The following ZNF324B variants were observed in gnomAD, a reference collection of about 807,000 sequenced individuals.
ZNF324B encodes zinc finger protein 324B.
A neutral mutation model predicts 10.6 loss-of-function variants in ZNF324B; 7 were observed. The observed-to-expected ratio is 0.66, with a 90% CI of 0.38 to 1.24. The LOEUF is 1.24. Among genes scored for constraint, ZNF324B ranks in the 50% most tolerant of loss-of-function variants. ZNF324B has a pLI of 0.02. For missense variants in ZNF324B, 640 were observed against 764.7 expected (o/e 0.84, Z 1.92); for synonymous variants, 316 against 321.0 (o/e 0.98, Z 0.17).
At position 58,455,976 on chromosome 19, in the gene ZNF324B, C is replaced by T. The variant is rs755008243; in HGVS notation, c.1032C>T (p.Ser344=). Reference sequence around the variant, plus strand: ...CGGCCGAGAAGTCCTTCCGCTGCTCCGAGTGCGGCAAGGCCTTCAGCCACG... The same window carrying T: ...CGGCCGAGAAGTCCTTCCGCTGCTCTGAGTGCGGCAAGGCCTTCAGCCACG... ...IHTAEKSFRC[S]ECGKAFSHGS... Residue 344 remains serine, a synonymous_variant, in exon 4 of 4, where the codon TCC becomes TCT. Transcript: ENST00000336614. The surrounding 1 kb of genome is among the most constrained non-coding windows in gnomAD (Gnocchi z 7.0). 2 of 1,591,268 alleles carry T rather than the reference C, an allele frequency of 1.3e-6. No homozygotes were observed. The highest frequency in any genetic ancestry group is 1.7e-6 in the Non-Finnish European group (2 of 1,166,398).
chr19:58,456,583 C>T lies in ZNF324B; in HGVS notation c.*4C>T, dbSNP rs748925863. The T allele has an allele frequency of 1.8e-5, 29 of 1,611,370 alleles. No individual in the cohort carries two copies. The highest frequency in any genetic ancestry group is 3.3e-4 in the Middle Eastern group (2 of 6,066). On this transcript the variant is annotated 3_prime_UTR_variant, in exon 4 of 4. Coordinates refer to ENST00000336614, the MANE Select transcript of ZNF324B (RefSeq NM_207395.3). This position sits in a 1 kb window ranked among gnomAD's most constrained non-coding sequence, Gnocchi z 4.7. ...CCTGAAGCCAGCGAAGGTCTGAGGTCACAGGTCGCAGCCCAACCCTTTCTT... is the reference window on the plus strand; with the variant it reads ...CCTGAAGCCAGCGAAGGTCTGAGGTTACAGGTCGCAGCCCAACCCTTTCTT...
At chr19:58,447,451 A>C (rs2052833053), upstream of ZNF324B, among the ~76,000 whole-genome samples, 1 of 152,250 alleles carries the variant, frequency 6.6e-6, no homozygotes, top group South Asian at 2.1e-4. Context: ...CAATTCATTA[A>C]GAATGTTTCA....
At chr19:58,427,349 CCTTTCTTTCTTTCTTT>C in the ZNF324B span, among the ~76,000 whole-genome samples, 61 of 55,988 alleles carry the variant, frequency 1.1e-3, no homozygotes, top group Admixed American at 3.0e-3. Flanking sequence ...CTTTCTCTTT[CCTTTCTTTCTTTCTTT>C]CTTTCTTTCT....
chr19:58,434,047 C>T, the ZNF324B span: 1 of 1,613,956 alleles, frequency 6.2e-7, no homozygotes, highest in Non-Finnish European at 8.5e-7. Flanking sequence ...GCTGAAGTCT[C>T]TTCCACATTC....
chr19:58,427,740 T>G, the ZNF324B span, among the ~76,000 whole-genome samples: 5 of 151,686 alleles, frequency 3.3e-5, no homozygotes, highest in Non-Finnish European at 5.9e-5. Context: ...ACTGCAGTCT[T>G]GAACTCCTGG....
chr19:58,433,901 A>T, the ZNF324B span: 1 of 1,614,176 alleles, frequency 6.2e-7, no homozygotes, highest in East Asian at 2.2e-5. Flanking sequence ...CTGCACTCAT[A>T]AGGCCTTTGC....
At chr19:58,448,663 C>T (rs1384672056), upstream of ZNF324B, among the ~76,000 whole-genome samples, 1 of 152,096 alleles carries the variant, frequency 6.6e-6, no homozygotes, top group African/African-American at 2.4e-5. Flanking sequence ...GGAGGCGGAG[C>T]TTGCAGTGAG....
At chr19:58,432,486 TTCTC>T in the ZNF324B span, among the ~76,000 whole-genome samples, 1 of 152,344 alleles carries the variant, frequency 6.6e-6, no homozygotes, top group East Asian at 1.9e-4. Context: ...CATCCAGTGT[TTCTC>T]TATGCACATA....
the ZNF324B span, chr19:58,433,645 T>G: frequency 1.2e-6 from 2 of 1,614,164 alleles, no homozygotes; most frequent in Non-Finnish European, 1.7e-6. Context: ...TTCACTGCAT[T>G]TATAAGGCTT....
the ZNF324B span, chr19:58,440,110 C>G: frequency 5.1e-5 from 23 of 453,558 alleles, no homozygotes; most frequent in African/African-American, 4.6e-4. Flanking sequence ...GCTCCAGAGG[C>G]CTGCTGTAGC....
the ZNF324B span, among the ~76,000 whole-genome samples, chr19:58,425,827 G>T: frequency 1.3e-5 from 2 of 152,150 alleles, no homozygotes; most frequent in African/African-American, 4.8e-5. Context: ...CACATAGTAG[G>T]TAGGATTTAG....
Position 58,455,941 on chromosome 19 carries a change from C to A in ZNF324B, c.997C>A (p.Arg333Ser). The A allele has an allele frequency of 2.5e-6, 4 of 1,595,744 alleles. No individual in the cohort carries two copies. Among genetic ancestry groups the A allele is most frequent in the Non-Finnish European group, 3.4e-6 (4 of 1,168,892 alleles). ...RHSSSLVRHQ[R>S]IHTAEKSFRC... is the part of the protein sequence containing the mutation. ...TAGCTCCTCGCTGGTGCGGCACCAGCGCATCCACACGGCCGAGAAGTCCTT... is the reference window on the plus strand; with the variant it reads ...TAGCTCCTCGCTGGTGCGGCACCAGAGCATCCACACGGCCGAGAAGTCCTT... The change falls in exon 4 of 4, where the codon CGC becomes AGC. Residue 333 changes from arginine (R) to serine (S), a missense_variant. Arg to Ser is a moderately radical substitution (Grantham distance 110). Coordinates refer to ENST00000336614, the MANE Select transcript of ZNF324B (RefSeq NM_207395.3). The surrounding 1 kb of genome is among the most constrained non-coding windows in gnomAD (Gnocchi z 7.0).
At chr19:58,439,607 G>T in the ZNF324B span, 3 of 725,976 alleles carry the variant, frequency 4.1e-6, no homozygotes, top group Admixed American at 4.0e-5. Context: ...GGATGGTAAG[G>T]GTAAGTGACT....
At position 58,451,680 on chromosome 19, in the gene ZNF324B, G is replaced by A; in HGVS notation, c.-31G>A. 2.0e-6 allele frequency: 1 copy of A among 502,932 alleles called. No homozygotes were observed. The allele number at this position is 502,932 out of a possible 1,614,324, so 31.2% of individuals were successfully genotyped here. ...GGTCTGGGCTGTGGCGCGCGGGTCG[G>A]GGCCCGAGGCGGGCGGCCAGGAAGG... On this transcript the variant is annotated 5_prime_UTR_variant, in exon 1 of 4. Transcript: ENST00000336614.
At position 58,454,280 on chromosome 19, in the gene ZNF324B, G is replaced by T. The variant is rs111417066; in HGVS notation, c.174G>T (p.Glu58Asp). The T allele has an allele frequency of 2.0e-5, 32 of 1,614,164 alleles. No individual in the cohort carries two copies. The African/African-American group carries it at 2.0e-4, about 10-fold the overall frequency. The change falls in exon 3 of 4, where the codon GAG becomes GAT. Residue 58 changes from glutamate (E) to aspartate (D), a missense_variant. Physicochemically the swap from Glu to Asp is conservative, Grantham distance 45 (BLOSUM62 2). Coordinates refer to ENST00000336614, the MANE Select transcript of ZNF324B (RefSeq NM_207395.3). ...RVVIQLERGE[E>D]PWVPSGKDMT... ...TCATTCAACTTGAGCGTGGCGAGGA[G>T]CCCTGGGTTCCCAGTGGAAAGGACA...
chr19:58,436,808 G>C, the ZNF324B span: 1 of 637,970 alleles, frequency 1.6e-6, no homozygotes, highest in Non-Finnish European at 2.9e-6. Context: ...GGAGGTGTCT[G>C]ATCCCCAACC....
At chr19:58,427,304 T>C in the ZNF324B span, among the ~76,000 whole-genome samples, 11 of 61,758 alleles carry the variant, frequency 1.8e-4, no homozygotes, top group Admixed American at 8.6e-4. Context: ...TCTTTCTTTC[T>C]TTCTTTCTTT....
upstream of ZNF324B, among the ~76,000 whole-genome samples, chr19:58,446,912 TCTTTC>T (rs368546032): frequency 1.5e-3 from 227 of 151,786 alleles, no homozygotes; most frequent in African/African-American, 4.8e-3. Flanking sequence ...TTTCTTTTCT[TCTTTC>T]CTTTCCTTTC....
chr19:58,434,346 C>G, the ZNF324B span: 6 of 1,614,246 alleles, frequency 3.7e-6, no homozygotes, highest in African/African-American at 1.3e-5. Context: ...TGTGAACTTT[C>G]TCATGCCGAA....
Sources: allele counts gnomAD v4.1 joint callset (sites outside exome capture counted in the v4.1 genomes callset), GRCh38; gene constraint gnomAD v4.1.1; non-coding constraint Gnocchi (gnomAD v3.1); transcripts MANE v1.5; gene names NCBI Gene and HGNC (gene_info 2026-07-23, HGNC 2026-07-21).